Variants in ZNF487 observed in about 807,000 individuals in gnomAD.
ZNF487 encodes the protein KRAB domain only 1.
ZNF487 carries 4 observed loss-of-function variants against 3.0 expected under a neutral mutation model. The ratio of observed to expected loss-of-function variants is 1.35; its 90% CI spans 0.66 to 3.08. The LOEUF (loss-of-function observed/expected upper bound fraction) is 3.08, where lower values mean the gene tolerates loss of function less well. Among genes scored for constraint, ZNF487 ranks in the 30% most tolerant of loss-of-function variants. ZNF487 has a pLI of 0.01. For synonymous variants in ZNF487, 55 were observed against 34.6 expected (o/e 1.59, Z -2.06); for missense variants, 146 against 98.7 (o/e 1.48, Z -2.03).
the ZNF487 span, among the ~76,000 whole-genome samples, chr10:43,490,077 G>C: frequency 6.6e-6 from 1 of 152,326 alleles, no homozygotes; most frequent in Non-Finnish European, 1.5e-5. Flanking sequence ...AGGCCGGCGT[G>C]GTGGCTCATG....
At chr10:43,502,790 C>T in the ZNF487 span, among the ~76,000 whole-genome samples, 7 of 152,124 alleles carry the variant, frequency 4.6e-5, no homozygotes, top group South Asian at 2.1e-4. Context: ...CAGCACTTTG[C>T]GGGGCCAAGC....
intron 1 of ZNF487, among the ~76,000 whole-genome samples, chr10:43,464,359 TTTTTA>T (rs1462831164): frequency 6.6e-6 from 1 of 151,478 alleles, no homozygotes; most frequent in Non-Finnish European, 1.5e-5. Context: ...ATTGTTTGTA[TTTTTA>T]TTTTATTTAT....
chr10:43,449,446 C>T (rs1839930964), intron 1 of ZNF487, among the ~76,000 whole-genome samples: 1 of 152,136 alleles, frequency 6.6e-6, no homozygotes, highest in Non-Finnish European at 1.5e-5. Flanking sequence ...TTCAAGTCAA[C>T]TCACTATTTA....
the ZNF487 span, among the ~76,000 whole-genome samples, chr10:43,499,668 G>A: frequency 6.6e-6 from 1 of 151,902 alleles, no homozygotes; most frequent in Non-Finnish European, 1.5e-5. Flanking sequence ...GAAGGATCTC[G>A]TGAGCCTGGG....
At chr10:43,493,486 G>C in the ZNF487 span, among the ~76,000 whole-genome samples, 1 of 151,624 alleles carries the variant, frequency 6.6e-6, no homozygotes, top group Non-Finnish European at 1.5e-5. Context: ...CCTGAGACTA[G>C]GAGTTCAGAT....
the ZNF487 span, among the ~76,000 whole-genome samples, chr10:43,502,758 C>T: frequency 2.6e-5 from 4 of 152,038 alleles, no homozygotes; most frequent in Admixed American, 2.0e-4. Context: ...AGGCCAGGTG[C>T]GGTGGCTCAT....
chr10:43,457,713 T>A (rs1259660067), intron 1 of ZNF487, among the ~76,000 whole-genome samples: 1 of 135,824 alleles, frequency 7.4e-6, no homozygotes, highest in East Asian at 2.3e-4. Flanking sequence ...AAAAAATTCC[T>A]CATGAGACAT....
Position 43,447,985 on chromosome 10 carries a change from ATTTTTT to A in ZNF487, c.-94+10740_-94+10745del, listed in dbSNP as rs71016768. Among the ~76,000 whole-genome samples the A allele has an allele frequency of 9.0e-5, 9 of 100,150 alleles. No homozygotes were observed. In the Admixed American group the frequency reaches 1.2e-3, roughly 14 times the overall value. 65.7% of individuals were successfully genotyped at this position (100,150 alleles called of 152,430 possible). A position where few individuals can be genotyped will look rare whatever the true frequency, so the allele number is the denominator to read the frequency against. Reference sequence around the variant, plus strand: ...TCTGATGTTCAGGGTCTTGGAAACCATTTTTTTTTTTTTTTTTTTTTTGAGACGGAG... The same window carrying A: ...TCTGATGTTCAGGGTCTTGGAAACCATTTTTTTTTTTTTTTTGAGACGGAG... On this transcript the variant is annotated intron_variant, in intron 1 of 3. Transcript: ENST00000437590.
chr10:43,522,799 T>G, the ZNF487 span, among the ~76,000 whole-genome samples: 5 of 151,542 alleles, frequency 3.3e-5, no homozygotes, highest in Non-Finnish European at 5.9e-5. Flanking sequence ...AACATATGTA[T>G]TAGTGAGTAT....
At chr10:43,450,968 A>C (rs1362266103) in intron 1 of ZNF487, among the ~76,000 whole-genome samples, 2 of 151,862 alleles carry the variant, frequency 1.3e-5, no homozygotes, top group East Asian at 3.9e-4. Context: ...ATTTTTTGAG[A>C]TGGAGTTTCG....
the ZNF487 span, among the ~76,000 whole-genome samples, chr10:43,505,602 A>T: frequency 3.3e-5 from 5 of 151,518 alleles, no homozygotes; most frequent in African/African-American, 1.2e-4. Context: ...ATTTTTATAC[A>T]ATGTTTGCTC....
chr10:43,445,343 A>G (rs1229231243), intron 1 of ZNF487, among the ~76,000 whole-genome samples: 2 of 152,212 alleles, frequency 1.3e-5, no homozygotes, highest in East Asian at 3.9e-4. Context: ...TGTAATTCTC[A>G]TTGTAGGTCA....
chr10:43,498,112 TTC>T, the ZNF487 span, among the ~76,000 whole-genome samples: 89 of 10,826 alleles, frequency 8.2e-3, 3 homozygotes, highest in African/African-American at 0.021. Context: ...TTTTTTTTTT[TTC>T]TTTTTTTTTT....
the ZNF487 span, among the ~76,000 whole-genome samples, chr10:43,494,487 T>C: frequency 0.18 from 27,721 of 151,998 alleles, 2,732 homozygotes; most frequent in Non-Finnish European, 0.2. Flanking sequence ...GCCTTGCATT[T>C]CCTCTTAAGC....
At chr10:43,457,693 TAA>T (rs543234325) in intron 1 of ZNF487, among the ~76,000 whole-genome samples, 35 of 105,156 alleles carry the variant, frequency 3.3e-4, no homozygotes, top group Non-Finnish European at 3.4e-4. Flanking sequence ...CCGCCTCAAT[TAA>T]AAAAAAAAAA....
chr10:43,459,571 C>G (rs1840343433), intron 1 of ZNF487, among the ~76,000 whole-genome samples: 1 of 151,808 alleles, frequency 6.6e-6, no homozygotes, highest in African/African-American at 2.4e-5. Context: ...GGGTATTGAA[C>G]TTTTAAAAAA....
chr10:43,466,648 G>A lies in ZNF487; in HGVS notation c.-93-9073G>A, dbSNP rs535356121. ...CAACTCCTGACCTTGTGATCCACCC[G>A]CCTCGGCATCCCATAGTGCTGGGAT... On this transcript the variant is annotated intron_variant, in intron 1 of 3. Transcript: ENST00000437590. Among the ~76,000 whole-genome samples, 371 of 152,136 alleles carry A rather than the reference G, an allele frequency of 2.4e-3. 3 individuals carry two copies. Among genetic ancestry groups the A allele is most frequent in the South Asian group, 0.021 (99 of 4,816 alleles).
At chr10:43,448,679 C>T (rs886477510) in intron 1 of ZNF487, among the ~76,000 whole-genome samples, 41 of 151,898 alleles carry the variant, frequency 2.7e-4, no homozygotes, top group African/African-American at 8.7e-4. Flanking sequence ...TAGCTGGGCG[C>T]GGTGGCGCAC....
chr10:43,509,477 A>ATATG, the ZNF487 span, among the ~76,000 whole-genome samples: 2 of 149,368 alleles, frequency 1.3e-5, no homozygotes, highest in South Asian at 4.3e-4. Flanking sequence ...ATATATATAT[A>ATATG]TATATCATGG....
Sources: allele counts gnomAD v4.1 joint callset (sites outside exome capture counted in the v4.1 genomes callset), GRCh38; gene constraint gnomAD v4.1.1; transcripts MANE v1.5; gene names NCBI Gene and HGNC (gene_info 2026-07-23, HGNC 2026-07-21).